Variants in NPFFR2 observed in about 807,000 individuals in gnomAD.
The protein encoded by NPFFR2 is G-protein coupled receptor 74.
Under a neutral mutation model 13.1 loss-of-function variants are expected in NPFFR2, and 15 were observed. That is an observed-to-expected ratio of 1.15 (90% CI 0.77 to 1.76). The LOEUF is 1.76. NPFFR2 is among the 40% of genes most tolerant of loss of function. The pLI, the probability that NPFFR2 is intolerant of heterozygous loss-of-function variation, is 0.00. For missense variants in NPFFR2, 572 were observed against 503.5 expected (o/e 1.14, Z -1.30); for synonymous variants, 190 against 175.7 (o/e 1.08, Z -0.65).
At chr4:72,114,556 C>A (rs1022346577) in intron 1 of NPFFR2, among the ~76,000 whole-genome samples, 2 of 152,030 alleles carry the variant, frequency 1.3e-5, no homozygotes, top group African/African-American at 2.4e-5. Context: ...TAGATCCTGT[C>A]GTTCTTTGTT....
At chr4:72,088,465 T>C (rs1232969359) in intron 1 of NPFFR2, among the ~76,000 whole-genome samples, 1 of 152,132 alleles carries the variant, frequency 6.6e-6, no homozygotes, top group Non-Finnish European at 1.5e-5. Context: ...TACATATATA[T>C]ATAGACATAT....
At chr4:72,097,566 A>G (rs1386846713) in intron 1 of NPFFR2, among the ~76,000 whole-genome samples, 4 of 152,148 alleles carry the variant, frequency 2.6e-5, no homozygotes, top group Non-Finnish European at 2.9e-5. Context: ...TCTTTTAACT[A>G]CTGGAGACTT....
rs1718942349 is a variant in NPFFR2, at chr4:72,032,183, C to T, written c.-25C>T. 1 of 1,610,238 alleles carries T rather than the reference C, an allele frequency of 6.2e-7. No individual in the cohort carries two copies. On this transcript the variant is annotated 5_prime_UTR_variant, in exon 1 of 4. Coordinates refer to ENST00000308744, the MANE Select transcript of NPFFR2 (RefSeq NM_004885.3). ...GGTGGATTCTGGTTCCTGCCGCCGA[C>T]AGGGCTCGCCGGGAGAGGTAACAGC...
At chr4:72,110,882 A>G (rs955964721) in intron 1 of NPFFR2, among the ~76,000 whole-genome samples, 10 of 152,114 alleles carry the variant, frequency 6.6e-5, no homozygotes, top group Middle Eastern at 3.4e-3. Context: ...CCTCTACTCA[A>G]ATTCAGTTAT....
intron 1 of NPFFR2, among the ~76,000 whole-genome samples, chr4:72,102,559 T>C (rs1486217743): frequency 2.4e-5 from 3 of 125,534 alleles, no homozygotes; most frequent in Non-Finnish European, 3.2e-5. Flanking sequence ...CGGTGTGTGA[T>C]GTTCCCCTTC....
At chr4:72,135,371 C>G (rs1429282992) in intron 2 of NPFFR2, among the ~76,000 whole-genome samples, 1 of 152,008 alleles carries the variant, frequency 6.6e-6, no homozygotes, top group Non-Finnish European at 1.5e-5. Flanking sequence ...TTCTTCTACT[C>G]ATATTAATCA....
intron 1 of NPFFR2, among the ~76,000 whole-genome samples, chr4:72,102,419 C>G (rs1441813309): frequency 6.6e-6 from 1 of 151,950 alleles, no homozygotes; most frequent in African/African-American, 2.4e-5. Flanking sequence ...GGTACGTATG[C>G]ACAACATGCA....
chr4:72,102,947 A>G (rs1028571129), intron 1 of NPFFR2, among the ~76,000 whole-genome samples: 1 of 152,054 alleles, frequency 6.6e-6, no homozygotes, highest in African/African-American at 2.4e-5. Context: ...GAATCGCCAC[A>G]CTGAGTTCCA....
rs370727516 is a variant in NPFFR2, at chr4:72,047,336, A to G, written c.-8+15136A>G. Among the ~76,000 whole-genome samples the G allele has an allele frequency of 4.3e-4, 65 of 152,258 alleles. No homozygotes were observed. In the South Asian group the frequency reaches 0.013, roughly 30 times the overall value. On this transcript the variant is annotated intron_variant, in intron 1 of 3. Coordinates refer to ENST00000308744, the MANE Select transcript of NPFFR2 (RefSeq NM_004885.3). The stretch of plus-strand genomic sequence containing the variant: ...ACTTATCACTGAGGTTGCCCCTTCC[A>G]TTATAGGCCCAGAGCTGTAGGAGGG...
intron 1 of NPFFR2, among the ~76,000 whole-genome samples, chr4:72,104,342 T>A (rs13115310): frequency 6.6e-6 from 1 of 152,208 alleles, no homozygotes; most frequent in African/African-American, 2.4e-5. Context: ...CTTTGCCTCA[T>A]AATAAGTAGG....
chr4:72,048,119 C>CAT (rs373339060), intron 1 of NPFFR2, among the ~76,000 whole-genome samples: 13 of 151,896 alleles, frequency 8.6e-5, no homozygotes, highest in East Asian at 1.9e-4. Flanking sequence ...ATCTCCCTGC[C>CAT]ATATATATAT....
At chr4:72,058,663 TTGAC>T (rs929368983) in intron 1 of NPFFR2, among the ~76,000 whole-genome samples, 2 of 152,048 alleles carry the variant, frequency 1.3e-5, no homozygotes. Context: ...TGTGAATTAT[TTGAC>T]TGAGTTTTCT....
intron 1 of NPFFR2, among the ~76,000 whole-genome samples, chr4:72,127,303 CAAAAAAAAAAAAAA>C (rs772559589): frequency 8.8e-5 from 1 of 11,424 alleles, no homozygotes; most frequent in African/African-American, 3.2e-4. Flanking sequence ...GACTCCATCT[CAAAAAAAAAAAAAA>C]AAAAAAAAAA....
In NPFFR2 at chr4:72,147,236, G is replaced by A; in HGVS notation, c.687G>A (p.Leu229=). 1 of 1,614,120 alleles carries A rather than the reference G, an allele frequency of 6.2e-7. No individual in the cohort carries two copies. The highest frequency in any genetic ancestry group is 1.1e-5 in the South Asian group (1 of 91,086). The part of the protein sequence containing the change: ...YTTVLFANIY[L]APLSLIVIMY... ...CTGTGCTGTTTGCCAACATCTACCT[G>A]GCTCCCCTCTCCCTCATTGTCATCA... Residue 229 remains leucine, a synonymous_variant, in exon 4 of 4, where the codon CTG becomes CTA. Coordinates refer to ENST00000308744, the MANE Select transcript of NPFFR2 (RefSeq NM_004885.3).
rs370639476 is a variant in NPFFR2 at position 72,032,151 on chromosome 4, C to T, written c.-57C>T. The T allele has an allele frequency of 6.2e-6, 10 of 1,613,650 alleles. No individual in the cohort carries two copies. Among genetic ancestry groups the T allele is most frequent in the Non-Finnish European group, 8.5e-6 (10 of 1,179,828 alleles). Reference sequence around the variant, plus strand: ...CAGGGACAGAACCTGTTGCTGCAGACGGGCTTGGTGGATTCTGGTTCCTGC... The same window carrying T: ...CAGGGACAGAACCTGTTGCTGCAGATGGGCTTGGTGGATTCTGGTTCCTGC... On this transcript the variant is annotated 5_prime_UTR_variant, in exon 1 of 4. In the 5' UTR this introduces an upstream ATG that the reference lacks. Transcript: ENST00000308744.
In NPFFR2 at chr4:72,032,169, G is replaced by A. The variant is rs1485311566; in HGVS notation, c.-39G>A. On this transcript the variant is annotated 5_prime_UTR_variant, in exon 1 of 4. Transcript: ENST00000308744. ...CTGCAGACGGGCTTGGTGGATTCTGGTTCCTGCCGCCGACAGGGCTCGCCG... is the reference window on the plus strand; with the variant it reads ...CTGCAGACGGGCTTGGTGGATTCTGATTCCTGCCGCCGACAGGGCTCGCCG... 5.0e-6 allele frequency: 8 copies of A among 1,612,368 alleles called. No homozygotes were observed. Among genetic ancestry groups the A allele is most frequent in the Non-Finnish European group, 6.8e-6 (8 of 1,178,962 alleles).
intron 1 of NPFFR2, among the ~76,000 whole-genome samples, chr4:72,062,677 AT>A (rs1278058234): frequency 6.6e-6 from 1 of 152,260 alleles, no homozygotes; most frequent in East Asian, 1.9e-4. Flanking sequence ...ACAAAATGTA[AT>A]GGTACTCCAG....
intron 2 of NPFFR2, among the ~76,000 whole-genome samples, chr4:72,134,885 G>C (rs886219772): frequency 6.6e-6 from 1 of 151,900 alleles, no homozygotes; most frequent in African/African-American, 2.4e-5. Flanking sequence ...ACCTCTCTTT[G>C]TGTACAACCC....
chr4:72,134,991 A>ATTGTTCTATTCCCACCTATG (rs1316887182), intron 2 of NPFFR2, among the ~76,000 whole-genome samples: 30 of 152,204 alleles, frequency 2.0e-4, no homozygotes, highest in Admixed American at 3.9e-4. Flanking sequence ...ATTTGTCTGC[A>ATTGTTCTATTCCCACCTATG]AGTATCTTTA....
Sources: gnomAD v4.1 joint callset for allele counts (sites outside exome capture counted in the v4.1 genomes callset) on GRCh38, gnomAD v4.1.1 for gene constraint, MANE v1.5 for transcripts, NCBI Gene and HGNC (gene_info 2026-07-23, HGNC 2026-07-21) for gene names.